The following VSTM4 variants were observed in gnomAD, a reference collection of about 807,000 sequenced individuals.
VSTM4 encodes V-set and transmembrane domain-containing protein 4.
Under a neutral mutation model 36.4 loss-of-function variants are expected in VSTM4, and 20 were observed. The ratio of observed to expected loss-of-function variants is 0.55; its 90% CI spans 0.39 to 0.80. VSTM4 has a LOEUF of 0.80. Ranked by LOEUF, VSTM4 falls within the 30% of genes least tolerant of loss-of-function variation. VSTM4 has a pLI of 0.00. For synonymous variants in VSTM4, 182 were observed against 173.9 expected, an observed-to-expected ratio of 1.05 and a Z score of -0.37; for missense variants, 392 against 404.5, an observed-to-expected ratio of 0.97 and a Z score of 0.26.
At chr10:49,023,020 G>T (rs1224965248) in intron 7 of VSTM4, among the ~76,000 whole-genome samples, 1 of 152,066 alleles carries the variant, frequency 6.6e-6, no homozygotes. Flanking sequence ...ATAAATAATT[G>T]CATCTAGAAA....
At chr10:49,101,330 G>A (rs934893320) in intron 2 of VSTM4, among the ~76,000 whole-genome samples, 3 of 151,872 alleles carry the variant, frequency 2.0e-5, no homozygotes, top group African/African-American at 7.3e-5. Context: ...ATAAAATTTT[G>A]TACCATATGT....
intron 1 of VSTM4, among the ~76,000 whole-genome samples, chr10:49,111,653 T>TC (rs574974800): frequency 3.0e-3 from 450 of 152,128 alleles, no homozygotes; most frequent in Middle Eastern, 6.8e-3. Context: ...AGACGCATCG[T>TC]CCCCCTCCCC....
At chr10:49,052,297 C>T (rs551520637) in intron 5 of VSTM4, among the ~76,000 whole-genome samples, 2 of 152,274 alleles carry the variant, frequency 1.3e-5, no homozygotes, top group South Asian at 4.1e-4. Flanking sequence ...TTTAAAATGA[C>T]TCATTTAATG....
chr10:49,024,748 G>A (rs1412895624), intron 7 of VSTM4, among the ~76,000 whole-genome samples: 1 of 152,182 alleles, frequency 6.6e-6, no homozygotes, highest in East Asian at 1.9e-4. Flanking sequence ...AGCTAAAATA[G>A]CACGCATATG....
intron 7 of VSTM4, among the ~76,000 whole-genome samples, chr10:49,038,204 A>C (rs1276117738): frequency 6.6e-6 from 1 of 152,216 alleles, no homozygotes; most frequent in African/African-American, 2.4e-5. Context: ...GATGGAAGCA[A>C]CTCCGTTGTC....
In VSTM4 at chr10:49,014,502, C is replaced by G. The variant is rs1420562294; in HGVS notation, c.*5148G>C. On this transcript the variant is annotated 3_prime_UTR_variant, in exon 8 of 8. Transcript: ENST00000332853. ...GCTGCGTGTTCAGGAAGAGTCTTGT[C>G]CAAATCCCCACCCCCTGAGAAGATG... 1 of 148,338 alleles carries G rather than the reference C, an allele frequency of 6.7e-6. No individual in the cohort carries two copies. Among genetic ancestry groups the G allele is most frequent in the East Asian group, 2.0e-4 (1 of 4,966 alleles). 9.2% of individuals were successfully genotyped at this position (148,338 alleles called of 1,614,324 possible). A position where few individuals can be genotyped will look rare whatever the true frequency, so the allele number is the denominator to read the frequency against.
intron 7 of VSTM4, among the ~76,000 whole-genome samples, chr10:49,040,901 G>A (rs754965074): frequency 6.6e-6 from 1 of 152,178 alleles, no homozygotes; most frequent in East Asian, 1.9e-4. Flanking sequence ...GGGGAGCTCT[G>A]TGGCCTAGGA....
chr10:49,077,688 T>C (rs1013824204), intron 3 of VSTM4, among the ~76,000 whole-genome samples: 1 of 151,978 alleles, frequency 6.6e-6, no homozygotes, highest in Non-Finnish European at 1.5e-5. Flanking sequence ...AACCTAAATG[T>C]AAAATGTAAG....
intron 2 of VSTM4, among the ~76,000 whole-genome samples, chr10:49,104,067 G>A (rs1844719850): frequency 1.3e-5 from 2 of 152,174 alleles, no homozygotes; most frequent in Admixed American, 6.5e-5. Flanking sequence ...GGGAGGCCGA[G>A]GTGGGTGGAT....
chr10:49,054,226 G>A (rs1843741507), intron 5 of VSTM4, among the ~76,000 whole-genome samples: 1 of 152,166 alleles, frequency 6.6e-6, no homozygotes, highest in Admixed American at 6.5e-5. Flanking sequence ...ACTGGAACAG[G>A]AACAAGGTCA....
chr10:49,115,514 C>G lies in VSTM4; in HGVS notation c.-29G>C. The G allele has an allele frequency of 7.1e-6, 7 of 983,274 alleles. No individual in the cohort carries two copies. Among genetic ancestry groups the G allele is most frequent in the Non-Finnish European group, 8.4e-6 (7 of 830,012 alleles). 60.9% of individuals were successfully genotyped at this position (983,274 alleles called of 1,614,324 possible). A position where few individuals can be genotyped will look rare whatever the true frequency, so the allele number is the denominator to read the frequency against. On this transcript the variant is annotated 5_prime_UTR_variant, in exon 1 of 8. Coordinates refer to ENST00000332853, the MANE Select transcript of VSTM4 (RefSeq NM_001031746.5). ...CCCGCCGCCGCCCGGCGCTGTGACG[C>G]GGGAGAGCGCCGCCGCCTGGCCCGG...
chr10:49,020,191 T>A (rs1441686410), intron 7 of VSTM4, among the ~76,000 whole-genome samples: 1 of 152,218 alleles, frequency 6.6e-6, no homozygotes, highest in Non-Finnish European at 1.5e-5. Context: ...TAGAAATTTT[T>A]GTAAATGACT....
intron 3 of VSTM4, among the ~76,000 whole-genome samples, chr10:49,084,428 T>A (rs968468479): frequency 2.6e-5 from 4 of 152,254 alleles, no homozygotes; most frequent in Non-Finnish European, 5.9e-5. Context: ...TGACACCTTA[T>A]GGTCTGCAAA....
chr10:49,071,393 T>C (rs1844076519), intron 4 of VSTM4, among the ~76,000 whole-genome samples: 1 of 152,324 alleles, frequency 6.6e-6, no homozygotes, highest in Non-Finnish European at 1.5e-5. Context: ...GACTCAGTGC[T>C]GTCAAGGCCC....
chr10:49,073,180 G>A (rs147323282), intron 4 of VSTM4, among the ~76,000 whole-genome samples: 1 of 152,160 alleles, frequency 6.6e-6, no homozygotes, highest in Non-Finnish European at 1.5e-5. Flanking sequence ...GATCCATGCA[G>A]ATCTACCAGC....
rs1353986618 is a variant in VSTM4, at chr10:49,017,312, ACAGTGGGACCAG to A, written c.*2326_*2337del. 2 of 152,228 alleles carry A rather than the reference ACAGTGGGACCAG, an allele frequency of 1.3e-5. No individual in the cohort carries two copies. Among genetic ancestry groups the A allele is most frequent in the Non-Finnish European group, 2.9e-5 (2 of 68,050 alleles). The allele number at this position is 152,228 out of a possible 1,614,324, so 9.4% of individuals were successfully genotyped here. On this transcript the variant is annotated 3_prime_UTR_variant, in exon 8 of 8. Transcript: ENST00000332853. ...GCTTGGGCATTTGCTTCTGGAGATA[ACAGTGGGACCAG>A]CTCTGCCTGGATGCTGTCCATAGCT...
chr10:49,087,104 A>G (rs927221115), intron 2 of VSTM4, among the ~76,000 whole-genome samples: 1 of 152,146 alleles, frequency 6.6e-6, no homozygotes, highest in African/African-American at 2.4e-5. Flanking sequence ...CTTGCACTGG[A>G]TATTTCCTAT....
intron 1 of VSTM4, among the ~76,000 whole-genome samples, chr10:49,108,465 G>A (rs903691113): frequency 2.0e-5 from 3 of 152,110 alleles, no homozygotes; most frequent in Admixed American, 6.5e-5. Flanking sequence ...GTGGGGAGCC[G>A]CCCTGGAGCA....
chr10:49,077,222 T>C lies in VSTM4; in HGVS notation c.631A>G (p.Arg211Gly). Residue 211 changes from arginine (R) to glycine (G), a missense_variant, in exon 4 of 8, where the codon AGA becomes GGA. By Grantham distance (125) the Arg-to-Gly change is moderately radical (BLOSUM62 -2). Coordinates refer to ENST00000332853, the MANE Select transcript of VSTM4 (RefSeq NM_001031746.5). The stretch of plus-strand genomic sequence containing the variant: ...ATGACCTTATCTGTTTTCTTACCTC[T>C]GGATTTCCGCTTGTTAAACACAGAC... The part of the protein sequence containing the change: ...WQSVFNKRKS[R>G]VRHYLVKCPQ... 6.2e-7 allele frequency: 1 copy of C among 1,613,894 alleles called. No homozygotes were observed. Among genetic ancestry groups the C allele is most frequent in the South Asian group, 1.1e-5 (1 of 91,076 alleles).
Sources: allele counts gnomAD v4.1 joint callset (sites outside exome capture counted in the v4.1 genomes callset), GRCh38; gene constraint gnomAD v4.1.1; transcripts MANE v1.5; gene names NCBI Gene and HGNC (gene_info 2026-07-23, HGNC 2026-07-21).